Variants in CENPT observed in about 807,000 individuals in gnomAD.
CENPT encodes centromere protein T.
A neutral mutation model predicts 59.7 loss-of-function variants in CENPT; 42 were observed. That is an observed-to-expected ratio of 0.70 (90% CI 0.55 to 0.91). The LOEUF is 0.91. Among genes scored for constraint, CENPT ranks in the 40% least tolerant of loss-of-function variants. CENPT has a pLI of 0.00. For synonymous variants in CENPT, 295 were observed against 289.6 expected, an observed-to-expected ratio of 1.02 and a Z score of -0.19; for missense variants, 716 against 713.4, an observed-to-expected ratio of 1.00 and a Z score of -0.04.
chr16:67,847,112 C>G (rs894006825), intron 1 of CENPT: 3 of 150,978 alleles, frequency 2.0e-5, no homozygotes, highest in Non-Finnish European at 4.4e-5. Flanking sequence ...CGGCCCGAAG[C>G]CGCGCGGGGC....
chr16:67,832,750 T>C (rs1202877039), intron 4 of CENPT, among the ~76,000 whole-genome samples: 1 of 151,978 alleles, frequency 6.6e-6, no homozygotes, highest in Non-Finnish European at 1.5e-5. Flanking sequence ...GGTATGGGAA[T>C]AGAGAGGGCA....
rs1040073667 is a variant in CENPT, at chr16:67,842,343, G to T, written c.-492+5058C>A. 5 of 194,122 alleles carry T rather than the reference G, an allele frequency of 2.6e-5. No homozygotes were observed. The highest frequency in any genetic ancestry group is 1.9e-4 in the South Asian group (1 of 5,370). 12.0% of individuals were successfully genotyped at this position (194,122 alleles called of 1,614,324 possible). ...CCGGGGCCCACTCCCGAGCGCAGGC[G>T]GGCAGCCAGGCGGGCGGCGCGGCGC... On this transcript the variant is annotated intron_variant, in intron 1 of 15. Transcript: ENST00000562787. This position sits in a 1 kb window ranked among gnomAD's most constrained non-coding sequence, Gnocchi z 4.9.
intron 1 of CENPT, among the ~76,000 whole-genome samples, chr16:67,836,439 C>CTT (rs568930990): frequency 4.4e-5 from 6 of 135,880 alleles, no homozygotes; most frequent in South Asian, 2.4e-4. Context: ...AAACAAACAT[C>CTT]TTTTTTTTTT....
chr16:67,842,925 AGC>A lies in CENPT; in HGVS notation c.-492+4474_-492+4475del. 1 of 1,336,220 alleles carries A rather than the reference AGC, an allele frequency of 7.5e-7. No individual in the cohort carries two copies. The allele number at this position is 1,336,220 out of a possible 1,614,324, so 82.8% of individuals were successfully genotyped here. On this transcript the variant is annotated intron_variant, in intron 1 of 15. Coordinates refer to ENST00000562787, the MANE Select transcript of CENPT (RefSeq NM_025082.4). This position sits in a 1 kb window ranked among gnomAD's most constrained non-coding sequence, Gnocchi z 4.9. ...CAACAGCAGCAGCAGCAGCAACAGC[AGC>A]AGCAGCAGCAGCAGCAGCAGCAGTC...
At position 67,842,935 on chromosome 16, in the gene CENPT, G is replaced by GCAGCAGCAGCAA. The variant is rs771495140; in HGVS notation, c.-492+4465_-492+4466insTTGCTGCTGCTG. The GCAGCAGCAGCAA allele has an allele frequency of 2.6e-5, 41 of 1,607,160 alleles. No homozygotes were observed. Among genetic ancestry groups the GCAGCAGCAGCAA allele is most frequent in the Non-Finnish European group, 3.2e-5 (38 of 1,177,474 alleles). On this transcript the variant is annotated intron_variant, in intron 1 of 15. Transcript: ENST00000562787. This position sits in a 1 kb window ranked among gnomAD's most constrained non-coding sequence, Gnocchi z 4.9. ...AGCAGCAGCAACAGCAGCAGCAGCA[G>GCAGCAGCAGCAA]CAGCAGCAGCAGCAGTCCTCACCCT...
At chr16:67,839,111 G>A (rs2057747844) in intron 1 of CENPT, among the ~76,000 whole-genome samples, 1 of 151,850 alleles carries the variant, frequency 6.6e-6, no homozygotes, top group Non-Finnish European at 1.5e-5. Flanking sequence ...ATTAGGTCGG[G>A]TGCGGTGGCT....
At chr16:67,832,149 G>C (rs1338616774) in intron 6 of CENPT, 41 bp from the exon 7 acceptor site, 1 of 1,605,960 alleles carries the variant, frequency 6.2e-7, no homozygotes, top group Admixed American at 1.7e-5. Flanking sequence ...GACAGAACAG[G>C]CCACCCTGAA....
At chr16:67,834,889 T>TG (rs2057725472) in intron 3 of CENPT, among the ~76,000 whole-genome samples, 1 of 152,210 alleles carries the variant, frequency 6.6e-6, no homozygotes, top group Non-Finnish European at 1.5e-5. Flanking sequence ...TTGCCCAGGC[T>TG]GGAGTGCAAT....
Position 67,842,950 on chromosome 16 carries a change from G to T in CENPT, c.-492+4451C>A. 6.2e-7 allele frequency: 1 copy of T among 1,609,456 alleles called. No individual in the cohort carries two copies. ...AGCAGCAGCAGCAGCAGCAGCAGCA[G>T]TCCTCACCCTCTGCCTCCACTGCCC... On this transcript the variant is annotated intron_variant, in intron 1 of 15. Transcript: ENST00000562787. The surrounding 1 kb of genome is among the most constrained non-coding windows in gnomAD (Gnocchi z 4.9).
At position 67,842,865 on chromosome 16, in the gene CENPT, A is replaced by T. The variant is rs758392920; in HGVS notation, c.-492+4536T>A. 6.2e-7 allele frequency: 1 copy of T among 1,609,092 alleles called. No individual in the cohort carries two copies. The highest frequency in any genetic ancestry group is 1.7e-5 in the Admixed American group (1 of 59,802). ...GGGGCCGCGGCCGCCCGCCGCAGGC[A>T]GCAGCAGCAACAGCAGCAGCAGCAG... is the stretch of plus-strand genomic sequence containing the variant. On this transcript the variant is annotated intron_variant, in intron 1 of 15. Transcript: ENST00000562787. This position sits in a 1 kb window ranked among gnomAD's most constrained non-coding sequence, Gnocchi z 4.9.
chr16:67,843,762 G>A lies in CENPT; in HGVS notation c.-492+3639C>T, dbSNP rs2057780568. ...AGTTATTGTTGCAGATTCTGGTTAA[G>A]CAGAGGCTTCAGAACCACTGAACTT... On this transcript the variant is annotated intron_variant, in intron 1 of 15. Transcript: ENST00000562787. The surrounding 1 kb of genome is among the most constrained non-coding windows in gnomAD (Gnocchi z 5.7). 1 of 465,046 alleles carries A rather than the reference G, an allele frequency of 2.2e-6. No individual in the cohort carries two copies. Among genetic ancestry groups the A allele is most frequent in the Non-Finnish European group, 4.0e-6 (1 of 251,830 alleles). 28.8% of individuals were successfully genotyped at this position (465,046 alleles called of 1,614,324 possible). A position where few individuals can be genotyped will look rare whatever the true frequency, so the allele number is the denominator to read the frequency against.
Position 67,829,408 on chromosome 16 carries a change from G to T in CENPT, c.1280+15C>A, listed in dbSNP as rs1261169531. Reference sequence around the variant, plus strand: ...TCCCAAGAGGCCCATGAGGAATGGGGTTGTGGGATCTTACACTGCAGCACC... The same window carrying T: ...TCCCAAGAGGCCCATGAGGAATGGGTTTGTGGGATCTTACACTGCAGCACC... On this transcript the variant is annotated intron_variant, in intron 13 of 15. Transcript: ENST00000562787. The T allele has an allele frequency of 6.3e-7, 1 of 1,583,110 alleles. No individual in the cohort carries two copies. The highest frequency in any genetic ancestry group is 8.6e-7 in the Non-Finnish European group (1 of 1,167,956).
intron 12 of CENPT, 109 bp downstream of exon 12, chr16:67,829,656 G>C (rs2057662263): frequency 6.6e-6 from 9 of 1,355,746 alleles, no homozygotes; most frequent in Non-Finnish European, 9.2e-6. Context: ...GTGTCTCCCT[G>C]ACCCCCTACC....
Position 67,834,045 on chromosome 16 carries a change from C to T in CENPT, c.-186G>A, listed in dbSNP as rs1300267227. ...TCCGGATGCTTTGGAGGCAGCCTCG[C>T]TGCGGGTAAACCTCGGTTAATGTAA... is the stretch of plus-strand genomic sequence containing the variant. On this transcript the variant is annotated 5_prime_UTR_variant, in exon 4 of 16. Coordinates refer to ENST00000562787, the MANE Select transcript of CENPT (RefSeq NM_025082.4). The T allele has an allele frequency of 4.1e-6, 2 of 489,580 alleles. No individual in the cohort carries two copies. Among genetic ancestry groups the T allele is most frequent in the Admixed American group, 4.3e-5 (1 of 23,354 alleles). 30.3% of individuals were successfully genotyped at this position (489,580 alleles called of 1,614,324 possible). A position where few individuals can be genotyped will look rare whatever the true frequency, so the allele number is the denominator to read the frequency against.
rs1486714718 is a variant in CENPT, at chr16:67,842,965, C to G, written c.-492+4436G>C. The G allele has an allele frequency of 6.2e-7, 1 of 1,607,264 alleles. No homozygotes were observed. The stretch of plus-strand genomic sequence containing the variant: ...AGCAGCAGCAGTCCTCACCCTCTGC[C>G]TCCACTGCCCAGACTGCCCAGCTGC... On this transcript the variant is annotated intron_variant, in intron 1 of 15. Transcript: ENST00000562787. The surrounding 1 kb of genome is among the most constrained non-coding windows in gnomAD (Gnocchi z 4.9).
Position 67,842,286 on chromosome 16 carries a change from G to C in CENPT, c.-492+5115C>G, listed in dbSNP as rs1375775256. 1 of 162,548 alleles carries C rather than the reference G, an allele frequency of 6.2e-6. No homozygotes were observed. Among genetic ancestry groups the C allele is most frequent in the Non-Finnish European group, 1.3e-5 (1 of 75,152 alleles). The allele number at this position is 162,548 out of a possible 1,614,324, so 10.1% of individuals were successfully genotyped here. A position where few individuals can be genotyped will look rare whatever the true frequency, so the allele number is the denominator to read the frequency against. Reference sequence around the variant, plus strand: ...GGCGCGGGGCATTGTGGGGGGCGTAGTCTCTTTCTCAGGCGGTCCTTCGCG... The same window carrying C: ...GGCGCGGGGCATTGTGGGGGGCGTACTCTCTTTCTCAGGCGGTCCTTCGCG... On this transcript the variant is annotated intron_variant, in intron 1 of 15. Coordinates refer to ENST00000562787, the MANE Select transcript of CENPT (RefSeq NM_025082.4). The surrounding 1 kb of genome is among the most constrained non-coding windows in gnomAD (Gnocchi z 4.9).
intron 1 of CENPT, among the ~76,000 whole-genome samples, chr16:67,838,063 G>T (rs1263405180): frequency 6.6e-6 from 1 of 152,204 alleles, no homozygotes; most frequent in Non-Finnish European, 1.5e-5. Flanking sequence ...GATTAAGACA[G>T]AGAGTGAGCT....
rs2151289295 is a variant in CENPT at position 67,842,439 on chromosome 16, A to T, written c.-492+4962T>A. The T allele has an allele frequency of 1.4e-6, 1 of 735,032 alleles. No homozygotes were observed. Among genetic ancestry groups the T allele is most frequent in the Non-Finnish European group, 1.8e-6 (1 of 547,904 alleles). 45.5% of individuals were successfully genotyped at this position (735,032 alleles called of 1,614,324 possible). A position where few individuals can be genotyped will look rare whatever the true frequency, so the allele number is the denominator to read the frequency against. ...GGCTGCGCCGAGCGGCAGTGGTGGG[A>T]TACCACCCAAGGCCTCGCGCGGCGC... On this transcript the variant is annotated intron_variant, in intron 1 of 15. Transcript: ENST00000562787. This position sits in a 1 kb window ranked among gnomAD's most constrained non-coding sequence, Gnocchi z 4.9.
At chr16:67,832,622 G>T in intron 4 of CENPT, 77 bp from the exon 5 acceptor site, 1 of 1,335,206 alleles carries the variant, frequency 7.5e-7, no homozygotes. Context: ...CTTCATCAGG[G>T]GTCTTGGTCT....
Sources: allele counts gnomAD v4.1 joint callset (sites outside exome capture counted in the v4.1 genomes callset), GRCh38; gene constraint gnomAD v4.1.1; non-coding constraint Gnocchi (gnomAD v3.1); transcripts MANE v1.5; gene names NCBI Gene and HGNC (gene_info 2026-07-23, HGNC 2026-07-21).